Variants in VWA3A observed in about 807,000 individuals in gnomAD.
VWA3A encodes von Willebrand factor A domain containing 3A.
Under a neutral mutation model 160.4 loss-of-function variants are expected in VWA3A, and 134 were observed. That is an observed-to-expected ratio of 0.84 (90% CI 0.73 to 0.96). The LOEUF (loss-of-function observed/expected upper bound fraction) is 0.96. VWA3A is among the 40% of genes least tolerant of loss of function. The pLI, the probability that VWA3A is intolerant of heterozygous loss-of-function variation, is 0.00. For synonymous variants in VWA3A, 476 were observed against 543.4 expected (o/e 0.88, Z 1.72); for missense variants, 1,310 against 1,447.9 (o/e 0.90, Z 1.55).
At chr16:22,153,175 G>A (rs193267259) in intron 31 of VWA3A, among the ~76,000 whole-genome samples, 9 of 152,196 alleles carry the variant, frequency 5.9e-5, no homozygotes, top group Admixed American at 3.9e-4. Context: ...GTGAAATGAC[G>A]TCTGTACTAA....
chr16:22,131,589 G>T lies in VWA3A; in HGVS notation c.1732G>T (p.Ala578Ser). The change falls in exon 19 of 34, where the codon GCC becomes TCC. Residue 578 changes from alanine (A) to serine (S), a missense_variant. By Grantham distance (99) the Ala-to-Ser change is moderately conservative (BLOSUM62 1). Coordinates refer to ENST00000389398, the MANE Select transcript of VWA3A (RefSeq NM_173615.5). ...HNNLQSAWRW[A>S]LNLRCRGSRN... is the part of the protein sequence containing the mutation. Reference sequence around the variant, plus strand: ...TGGCCATCTCTGCCTCCGCAGGTGGGCCCTGAACCTGCGGTGTCGGGGCAG... The same window carrying T: ...TGGCCATCTCTGCCTCCGCAGGTGGTCCCTGAACCTGCGGTGTCGGGGCAG... 1.2e-6 allele frequency: 2 copies of T among 1,612,448 alleles called. No homozygotes were observed. Among genetic ancestry groups the T allele is most frequent in the Non-Finnish European group, 1.7e-6 (2 of 1,179,138 alleles).
At chr16:22,115,729 T>C (rs539318097) in intron 9 of VWA3A, among the ~76,000 whole-genome samples, 1 of 150,458 alleles carries the variant, frequency 6.6e-6, no homozygotes, top group Admixed American at 6.7e-5. Context: ...CCCAGCTACT[T>C]GGGAGGCTGA....
chr16:22,100,102 T>G, intron 3 of VWA3A, 92 bp from the exon 4 acceptor site: 12 of 1,414,742 alleles, frequency 8.5e-6, no homozygotes, highest in Non-Finnish European at 1.1e-5. Context: ...AGGGTCAGTC[T>G]GAGTTGGCGC....
rs1332824879 is a variant in VWA3A, at chr16:22,126,165, T to C, written c.1533-13T>C. The C allele has an allele frequency of 6.2e-7, 1 of 1,613,306 alleles. No homozygotes were observed. Among genetic ancestry groups the C allele is most frequent in the South Asian group, 1.1e-5 (1 of 90,894 alleles). ...GATTCGGTTCTCCTCTTAAAGCTCGTGTTTCCTTTTAGGGTGGTTGTACTG... is the reference window on the plus strand; with the variant it reads ...GATTCGGTTCTCCTCTTAAAGCTCGCGTTTCCTTTTAGGGTGGTTGTACTG... On this transcript the variant is annotated splice_polypyrimidine_tract_variant and intron_variant, in intron 16 of 33. Coordinates refer to ENST00000389398, the MANE Select transcript of VWA3A (RefSeq NM_173615.5).
chr16:22,155,739 G>C (rs1427967760), intron 32 of VWA3A, 75 bp downstream of exon 32: 5 of 1,601,804 alleles, frequency 3.1e-6, no homozygotes, highest in Non-Finnish European at 4.3e-6. Flanking sequence ...CATCGAGAAG[G>C]GCCGCACCCA....
At chr16:22,139,847 T>G (rs2141989632) in intron 22 of VWA3A, among the ~76,000 whole-genome samples, 1 of 152,246 alleles carries the variant, frequency 6.6e-6, no homozygotes, top group South Asian at 2.1e-4. Flanking sequence ...CAAACCCCCA[T>G]AGCTCTCTCA....
intron 19 of VWA3A, 133 bp downstream of exon 19, chr16:22,131,862 G>A (rs1038664956): frequency 7.1e-6 from 9 of 1,275,242 alleles, no homozygotes; most frequent in Non-Finnish European, 9.6e-6. Context: ...GTATAGACAA[G>A]CACCTAAGGA....
rs1226284454 is a variant in VWA3A, at chr16:22,103,475, C to T, written c.429C>T (p.Asp143=). 1 of 1,551,598 alleles carries T rather than the reference C, an allele frequency of 6.4e-7. No individual in the cohort carries two copies. The highest frequency in any genetic ancestry group is 1.4e-5 in the African/African-American group (1 of 73,118). The change falls in exon 6 of 34, where the codon GAC becomes GAT. Residue 143 remains aspartate, a splice_region_variant and synonymous_variant. Coordinates refer to ENST00000389398, the MANE Select transcript of VWA3A (RefSeq NM_173615.5). ...IIRHFESKLS[D]TIEVYQERIQ... ...ATGAGTCTTTCTGATGTCTTGACAG[C>T]ACTATTGAAGTCTATCAAGAGAGAA...
rs764133109 is a variant in VWA3A, at chr16:22,110,969, G to A, written c.664G>A (p.Asp222Asn). 1 of 1,609,176 alleles carries A rather than the reference G, an allele frequency of 6.2e-7. No individual in the cohort carries two copies. The highest frequency in any genetic ancestry group is 1.3e-5 in the African/African-American group (1 of 74,874). ...CACCAATGCCGGGTCCCTCTGGCCA[G>A]ACCCCATGGAAGTCAGCGCCTCCAC... ...FGTNAGSLWPDPMEVSASTLQ... is the reference protein window; with the variant it reads ...FGTNAGSLWPNPMEVSASTLQ... Residue 222 changes from aspartate (D) to asparagine (N), a missense_variant, in exon 8 of 34, where the codon GAC becomes AAC. Transcript: ENST00000389398.
chr16:22,120,477 G>C (rs764509215), intron 12 of VWA3A, among the ~76,000 whole-genome samples: 41 of 152,252 alleles, frequency 2.7e-4, no homozygotes, highest in Non-Finnish European at 4.6e-4. Flanking sequence ...TAATAATACA[G>C]TAGCACTCAG....
chr16:22,140,120 A>C, intron 22 of VWA3A, 34 bp from the exon 23 acceptor site: 6 of 1,598,692 alleles, frequency 3.8e-6, no homozygotes, highest in Non-Finnish European at 5.1e-6. Flanking sequence ...CACAGGGAAC[A>C]CTCCTCTGAT....
rs911766562 is a variant in VWA3A at position 22,147,464 on chromosome 16, C to T, written c.2840-698C>T. 6.8e-5 allele frequency: 45 copies of T among 661,986 alleles called. No individual in the cohort carries two copies. The South Asian group carries it at 7.0e-4, about 10-fold the overall frequency. 41.0% of individuals were successfully genotyped at this position (661,986 alleles called of 1,614,324 possible). On this transcript the variant is annotated intron_variant, in intron 27 of 33. Coordinates refer to ENST00000389398, the MANE Select transcript of VWA3A (RefSeq NM_173615.5). ...ACAGGAGGGGATTCGGGCTATGGGGCCTGGAGGGTTTCTGGGGCATCAGGA... is the reference window on the plus strand; with the variant it reads ...ACAGGAGGGGATTCGGGCTATGGGGTCTGGAGGGTTTCTGGGGCATCAGGA...
intron 28 of VWA3A, 90 bp downstream of exon 28, chr16:22,148,396 G>A: frequency 6.8e-7 from 1 of 1,464,970 alleles, no homozygotes; most frequent in Non-Finnish European, 9.1e-7. Flanking sequence ...GTGCCAACAG[G>A]CCTGGAGTTT....
intron 21 of VWA3A, 31 bp from the exon 22 acceptor site, chr16:22,138,329 G>A (rs1567218895): frequency 6.4e-7 from 1 of 1,560,458 alleles, no homozygotes; most frequent in Non-Finnish European, 8.7e-7. Context: ...AGTGGCTGGG[G>A]GTGCCACTGA....
chr16:22,148,581 A>G (rs984616675), intron 28 of VWA3A, among the ~76,000 whole-genome samples: 1 of 152,172 alleles, frequency 6.6e-6, no homozygotes, highest in East Asian at 1.9e-4. Context: ...GACCAGTCTC[A>G]GCAACAAAGT....
chr16:22,104,317 A>G (rs562600269), intron 6 of VWA3A, among the ~76,000 whole-genome samples: 2 of 152,190 alleles, frequency 1.3e-5, no homozygotes, highest in Admixed American at 6.5e-5. Flanking sequence ...GTGAAACCTC[A>G]TCTCTACTAA....
chr16:22,127,465 T>A (rs1444889445), intron 17 of VWA3A, among the ~76,000 whole-genome samples: 1 of 152,094 alleles, frequency 6.6e-6, no homozygotes, highest in Non-Finnish European at 1.5e-5. Flanking sequence ...TGCATACTAT[T>A]TTAACTAATA....
At chr16:22,124,433 A>G (rs1199901439) in intron 16 of VWA3A, among the ~76,000 whole-genome samples, 1 of 151,022 alleles carries the variant, frequency 6.6e-6, no homozygotes, top group Non-Finnish European at 1.5e-5. Flanking sequence ...CTGAGTTGGG[A>G]GAAACAATAG....
chr16:22,123,473 G>A, intron 15 of VWA3A, 140 bp from the exon 16 acceptor site: 2 of 1,563,960 alleles, frequency 1.3e-6, no homozygotes, highest in Non-Finnish European at 1.7e-6. Flanking sequence ...TCATGATTTA[G>A]TGGAATGATT....
Sources: gnomAD v4.1 joint callset for allele counts (sites outside exome capture counted in the v4.1 genomes callset) on GRCh38, gnomAD v4.1.1 for gene constraint, MANE v1.5 for transcripts, NCBI Gene and HGNC (gene_info 2026-07-23, HGNC 2026-07-21) for gene names.